DENND2A: variants seen among roughly 807,000 people sequenced by gnomAD.
DENND2A encodes DENN domain-containing protein 2A.
DENND2A carries 53 observed loss-of-function variants against 105.3 expected under a neutral mutation model. That is an observed-to-expected ratio of 0.50 (90% CI 0.40 to 0.63). DENND2A has a LOEUF of 0.63. DENND2A is among the 30% of genes least tolerant of loss of function. The pLI is 0.00. For synonymous variants in DENND2A, 522 were observed against 508.4 expected (o/e 1.03, Z -0.36); for missense variants, 1,138 against 1,279.6 (o/e 0.89, Z 1.69).
At chr7:140,634,220 G>C (rs959465407) in intron 1 of DENND2A, among the ~76,000 whole-genome samples, 5 of 151,720 alleles carry the variant, frequency 3.3e-5, no homozygotes, top group African/African-American at 1.2e-4. Context: ...GGACCGTCTT[G>C]ATCTCCTGAC....
In DENND2A at chr7:140,574,903, C is replaced by T. The variant is rs190762006; in HGVS notation, c.1246-895G>A. Among the ~76,000 whole-genome samples, 281 of 152,106 alleles carry T rather than the reference C, an allele frequency of 1.8e-3. 1 individual carries two copies. The highest frequency in any genetic ancestry group is 6.8e-3 in the Middle Eastern group (2 of 294). The stretch of plus-strand genomic sequence containing the variant: ...GGCGTGGTGGCGGGTGCCTGTAATC[C>T]CAGCTACTCGGGAGGCTGAGGCAGG... On this transcript the variant is annotated intron_variant, in intron 5 of 19. Transcript: ENST00000496613.
intron 6 of DENND2A, among the ~76,000 whole-genome samples, chr7:140,571,770 GA>G (rs1387567707): frequency 6.6e-6 from 1 of 152,168 alleles, no homozygotes; most frequent in Non-Finnish European, 1.5e-5. Context: ...TAAGCAAAGT[GA>G]AATGTCATTC....
chr7:140,564,915 C>A (rs983792400), intron 9 of DENND2A, among the ~76,000 whole-genome samples: 2 of 152,128 alleles, frequency 1.3e-5, no homozygotes, highest in East Asian at 3.8e-4. Flanking sequence ...GCCTCTCTTA[C>A]CCATGGGCAG....
At chr7:140,590,228 G>A (rs112264339) in intron 3 of DENND2A, among the ~76,000 whole-genome samples, 5,495 of 151,892 alleles carry the variant, frequency 0.036, 176 homozygotes, top group African/African-American at 0.093. Flanking sequence ...TGTCTCTACT[G>A]AAAATACAAA....
At chr7:140,623,054 G>T (rs903090889) in intron 1 of DENND2A, among the ~76,000 whole-genome samples, 1 of 152,106 alleles carries the variant, frequency 6.6e-6, no homozygotes, top group Non-Finnish European at 1.5e-5. Context: ...TCCCTCTCCG[G>T]CTGGGTGTGG....
chr7:140,572,897 T>A (rs1415867652), intron 6 of DENND2A, among the ~76,000 whole-genome samples: 2 of 152,136 alleles, frequency 1.3e-5, no homozygotes, highest in East Asian at 3.8e-4. Context: ...TGACCTTCCC[T>A]TTTCTTCTTA....
rs546353600 is a variant in DENND2A, at chr7:140,616,334, C to A, written c.-247-10528G>T. Among the ~76,000 whole-genome samples the A allele has an allele frequency of 4.6e-5, 7 of 152,186 alleles. 1 individual carries two copies. The highest frequency in any genetic ancestry group is 1.7e-4 in the African/African-American group (7 of 41,508). On this transcript the variant is annotated intron_variant, in intron 1 of 19. Transcript: ENST00000496613. ...CTGAGATCACACCACTGTACTCCAG[C>A]CTGGGCGACAGAGCGAGACTCCATC...
chr7:140,534,338 C>T (rs1448331663), intron 14 of DENND2A, among the ~76,000 whole-genome samples: 1 of 152,108 alleles, frequency 6.6e-6, no homozygotes, highest in Non-Finnish European at 1.5e-5. Flanking sequence ...CCACCTTGGC[C>T]TCCCAAAGTG....
intron 6 of DENND2A, among the ~76,000 whole-genome samples, chr7:140,570,838 T>G (rs1037082962): frequency 2.0e-5 from 3 of 152,232 alleles, no homozygotes; most frequent in Non-Finnish European, 4.4e-5. Context: ...GAAAATGTTT[T>G]TCATATTTCA....
At chr7:140,553,867 C>A (rs1797246916) in intron 12 of DENND2A, among the ~76,000 whole-genome samples, 1 of 152,188 alleles carries the variant, frequency 6.6e-6, no homozygotes, top group Admixed American at 6.5e-5. Flanking sequence ...TAGTACAGAA[C>A]AAAATGGAGT....
chr7:140,592,682 C>A (rs939221895), intron 3 of DENND2A, among the ~76,000 whole-genome samples: 6 of 151,908 alleles, frequency 3.9e-5, no homozygotes, highest in African/African-American at 1.5e-4. Context: ...TCACTGCAAC[C>A]TCCGCCTCCA....
intron 13 of DENND2A, among the ~76,000 whole-genome samples, chr7:140,545,372 A>G (rs1461329816): frequency 6.6e-6 from 1 of 151,980 alleles, no homozygotes; most frequent in Non-Finnish European, 1.5e-5. Context: ...TTTTTTTGAG[A>G]TGGAGTCTTA....
At chr7:140,575,762 G>A (rs950851347) in intron 5 of DENND2A, among the ~76,000 whole-genome samples, 1 of 152,130 alleles carries the variant, frequency 6.6e-6, no homozygotes, top group African/African-American at 2.4e-5. Context: ...GAGGTCAGGA[G>A]TTCGAGACCA....
rs200879219 is a variant in DENND2A at position 140,625,383 on chromosome 7, GA to G, written c.-248+15120del. Among the ~76,000 whole-genome samples the G allele has an allele frequency of 4.4e-3, 641 of 145,964 alleles. 10 individuals are homozygous for G. The highest frequency in any genetic ancestry group is 0.015 in the African/African-American group (602 of 38,954). On this transcript the variant is annotated intron_variant, in intron 1 of 19. Transcript: ENST00000496613. ...CAGAACGATACTCCGTTTCAAGAAAGAAAAAAAAAGAACAGTCTGGGTGCTG... is the reference window on the plus strand; with the variant it reads ...CAGAACGATACTCCGTTTCAAGAAAGAAAAAAAAGAACAGTCTGGGTGCTG...
chr7:140,561,685 T>G (rs1797623182), intron 9 of DENND2A, among the ~76,000 whole-genome samples: 1 of 65,574 alleles, frequency 1.5e-5, no homozygotes, highest in Non-Finnish European at 6.0e-5. Flanking sequence ...TTTTTTTTTT[T>G]TGTATTTTCA....
chr7:140,564,298 T>TACACACAC (rs375771552), intron 9 of DENND2A, among the ~76,000 whole-genome samples: 1 of 141,212 alleles, frequency 7.1e-6, no homozygotes, highest in East Asian at 2.1e-4. Context: ...AAAAAAAAAA[T>TACACACAC]ACACACACAC....
intron 8 of DENND2A, 151 bp downstream of exon 8, chr7:140,568,612 C>T (rs982130374): frequency 6.3e-5 from 46 of 730,088 alleles, no homozygotes; most frequent in South Asian, 1.2e-4. Flanking sequence ...GGCTCTGGAG[C>T]ACCCTGTGGC....
intron 18 of DENND2A, among the ~76,000 whole-genome samples, chr7:140,520,040 A>T (rs985125060): frequency 1.7e-4 from 26 of 152,160 alleles, no homozygotes; most frequent in African/African-American, 6.3e-4. Context: ...ATGGTGGTTC[A>T]CGCCTGTAAT....
chr7:140,634,263 G>A (rs2130742848), intron 1 of DENND2A, among the ~76,000 whole-genome samples: 1 of 152,214 alleles, frequency 6.6e-6, no homozygotes, highest in Admixed American at 6.5e-5. Flanking sequence ...CTCCCGAAGT[G>A]CTGGGATTAC....
Sources: allele counts gnomAD v4.1 joint callset (sites outside exome capture counted in the v4.1 genomes callset), GRCh38; gene constraint gnomAD v4.1.1; transcripts MANE v1.5; gene names NCBI Gene and HGNC (gene_info 2026-07-23, HGNC 2026-07-21).